Variants in NEDD9 observed in about 807,000 individuals in gnomAD.
NEDD9 encodes enhancer of filamentation 1.
A neutral mutation model predicts 76.6 loss-of-function variants in NEDD9; 26 were observed. The observed-to-expected ratio is 0.34, with a 90% CI of 0.25 to 0.47. The LOEUF (loss-of-function observed/expected upper bound fraction) is 0.47. NEDD9 is among the 20% of genes least tolerant of loss of function. The pLI is 1.00. For synonymous variants in NEDD9, 392 were observed against 414.2 expected (o/e 0.95, Z 0.65); for missense variants, 937 against 1,058.5 (o/e 0.89, Z 1.59).
In NEDD9 at chr6:11,185,278, C is replaced by T; in HGVS notation, c.2389G>A (p.Ala797Thr). ...LKTIVMATKMAALHYPSTTAL... is the reference protein window; with the variant it reads ...LKTIVMATKMTALHYPSTTAL... ...GTGGTGCTGGGGTAATGGAGGGCGG[C>T]CATCTTGGTTGCCATGACTATGGTC... Residue 797 changes from alanine to threonine, a missense_variant, in exon 7 of 7, where the codon GCC becomes ACC. Coordinates refer to ENST00000379446, the MANE Select transcript of NEDD9 (RefSeq NM_006403.4). The T allele has an allele frequency of 1.2e-6, 2 of 1,614,114 alleles. No individual in the cohort carries two copies. The highest frequency in any genetic ancestry group is 8.5e-7 in the Non-Finnish European group (1 of 1,180,020).
At chr6:11,186,736 G>C (rs966010115) in intron 6 of NEDD9, among the ~76,000 whole-genome samples, 2 of 152,148 alleles carry the variant, frequency 1.3e-5, no homozygotes, top group African/African-American at 2.4e-5. Context: ...TCCTGCCTCA[G>C]CCTCCCAAGT....
chr6:11,214,079 G>A, intron 1 of NEDD9: 2 of 426,098 alleles, frequency 4.7e-6, no homozygotes, highest in Non-Finnish European at 4.5e-6. Flanking sequence ...GTGAGCTTAA[G>A]GAAAAAAAAA....
At chr6:11,345,795 C>A (rs1409133531) in intron 1 of NEDD9, among the ~76,000 whole-genome samples, 1 of 152,102 alleles carries the variant, frequency 6.6e-6, no homozygotes, top group Non-Finnish European at 1.5e-5. Context: ...AGTAAAGCAG[C>A]ATTTTAGCTG....
chr6:11,372,404 A>G (rs1762894169), intron 1 of NEDD9, among the ~76,000 whole-genome samples: 1 of 152,162 alleles, frequency 6.6e-6, no homozygotes, highest in African/African-American at 2.4e-5. Context: ...TTATTTGTTG[A>G]TGGACACTTA....
intron 6 of NEDD9, among the ~76,000 whole-genome samples, chr6:11,186,772 C>T (rs1450466864): frequency 6.6e-6 from 1 of 152,192 alleles, no homozygotes; most frequent in Non-Finnish European, 1.5e-5. Flanking sequence ...CGCCCGCCAC[C>T]ATGCCTGGCT....
At position 11,252,620 on chromosome 6, in the gene NEDD9, A is replaced by G. The variant is rs1166432208; in HGVS notation, c.13-38893T>C. Among the ~76,000 whole-genome samples the G allele has an allele frequency of 2.0e-5, 3 of 151,950 alleles. No individual in the cohort carries two copies. The highest frequency in any genetic ancestry group is 7.2e-5 in the African/African-American group (3 of 41,404). On this transcript the variant is annotated intron_variant, in intron 3 of 3. Transcript: ENST00000397378. The surrounding 1 kb of genome is among the most constrained non-coding windows in gnomAD (Gnocchi z 4.3). ...ATCTTAGGTCCATGTCACTTACACT[A>G]TTTAGTTATATAGAGCCTTCTGCAC...
chr6:11,218,948 A>G (rs1416102386), intron 1 of NEDD9, among the ~76,000 whole-genome samples: 1 of 152,202 alleles, frequency 6.6e-6, no homozygotes, highest in African/African-American at 2.4e-5. Context: ...TGACCATCCC[A>G]GTGAGATTAA....
intron 2 of NEDD9, chr6:11,200,772 G>T: frequency 7.1e-7 from 1 of 1,417,454 alleles, no homozygotes; most frequent in East Asian, 2.6e-5. Flanking sequence ...AGTTCTTGGG[G>T]TTACTGTTTT....
chr6:11,251,359 A>T (rs1759910198), intron 3 of NEDD9: 2 of 152,206 alleles, frequency 1.3e-5, no homozygotes, highest in South Asian at 4.1e-4. Context: ...TATTAAACAG[A>T]TAGGGATACT....
In NEDD9 at chr6:11,213,499, G is replaced by A. The variant is rs768376094; in HGVS notation, c.241C>T (p.Leu81=). The A allele has an allele frequency of 1.1e-5, 18 of 1,614,180 alleles. No homozygotes were observed. Among genetic ancestry groups the A allele is most frequent in the Admixed American group, 1.7e-5 (1 of 60,018 alleles). ...ASSHEQPASG[L]MQQTFGQQKL... is the part of the protein sequence containing the mutation. ...TGTTGGCCAAAGGTCTGCTGCATCA[G>A]TCCAGAGGCAGGCTGCTCGTGACTG... The change falls in exon 2 of 7, where the codon CTG becomes TTG. Residue 81 remains leucine (L), a synonymous_variant. Coordinates refer to ENST00000379446, the MANE Select transcript of NEDD9 (RefSeq NM_006403.4). This position sits in a 1 kb window ranked among gnomAD's most constrained non-coding sequence, Gnocchi z 5.4.
At chr6:11,288,320 C>A (rs548513790) in intron 3 of NEDD9, among the ~76,000 whole-genome samples, 28 of 152,196 alleles carry the variant, frequency 1.8e-4, no homozygotes, top group African/African-American at 5.8e-4. Context: ...ATTTTGTTGG[C>A]GTGCTTAGGG....
At chr6:11,260,465 A>G (rs1760086006) in intron 3 of NEDD9, among the ~76,000 whole-genome samples, 1 of 152,230 alleles carries the variant, frequency 6.6e-6, no homozygotes, top group Non-Finnish European at 1.5e-5. Context: ...TGGGGTTAAT[A>G]GTATATATTT....
chr6:11,330,513 A>G (rs184837378), intron 2 of NEDD9, among the ~76,000 whole-genome samples: 3 of 152,334 alleles, frequency 2.0e-5, no homozygotes, highest in Non-Finnish European at 2.9e-5. Flanking sequence ...TAGACGTAGC[A>G]AAGGCAACCA....
intron 2 of NEDD9, among the ~76,000 whole-genome samples, chr6:11,317,625 A>G (rs951676738): frequency 6.6e-6 from 1 of 152,180 alleles, no homozygotes; most frequent in African/African-American, 2.4e-5. Flanking sequence ...ACAGGCGCCA[A>G]CTGCCGCTGG....
chr6:11,355,333 C>T (rs1377088657), intron 1 of NEDD9, among the ~76,000 whole-genome samples: 3 of 152,074 alleles, frequency 2.0e-5, no homozygotes, highest in African/African-American at 7.2e-5. Flanking sequence ...AAGAACTTCT[C>T]AAGGGGCTAG....
At position 11,344,014 on chromosome 6, in the gene NEDD9, G is replaced by A. The variant is rs118129179; in HGVS notation, c.-213-9453C>T. On this transcript the variant is annotated intron_variant, in intron 1 of 3. Transcript: ENST00000397378. The stretch of plus-strand genomic sequence containing the variant: ...GACTGTTTTAGAGAATTAGGATAAG[G>A]GGGAGAGAAGTGAAGTTATTTCTCA... Among the ~76,000 whole-genome samples, 45 of 152,284 alleles carry A rather than the reference G, an allele frequency of 3.0e-4. No individual in the cohort carries two copies. In the East Asian group the frequency reaches 7.9e-3, roughly 27 times the overall value.
intron 2 of NEDD9, among the ~76,000 whole-genome samples, chr6:11,306,578 CT>C: frequency 6.6e-6 from 1 of 152,108 alleles, no homozygotes; most frequent in East Asian, 1.9e-4. Context: ...TGCCTATAAC[CT>C]ACAGTTTTAG....
intron 2 of NEDD9, among the ~76,000 whole-genome samples, chr6:11,321,566 G>A (rs912361110): frequency 2.6e-5 from 4 of 152,198 alleles, no homozygotes; most frequent in Non-Finnish European, 5.9e-5. Flanking sequence ...ACTCATCTCA[G>A]TCATTCCTTT....
chr6:11,363,485 A>G (rs867881972), intron 1 of NEDD9, among the ~76,000 whole-genome samples: 8 of 152,054 alleles, frequency 5.3e-5, no homozygotes, highest in Non-Finnish European at 8.8e-5. Flanking sequence ...ATGGGGGGGA[A>G]GTCTGAAATA....
Sources: allele counts gnomAD v4.1 joint callset (sites outside exome capture counted in the v4.1 genomes callset), GRCh38; gene constraint gnomAD v4.1.1; non-coding constraint Gnocchi (gnomAD v3.1); transcripts MANE v1.5; gene names NCBI Gene and HGNC (gene_info 2026-07-23, HGNC 2026-07-21).